The following PPARGC1A variants were observed in gnomAD, a reference collection of about 807,000 sequenced individuals.
PPARGC1A encodes the protein PPARG coactivator 1 alpha.
PPARGC1A carries 25 observed loss-of-function variants against 88.7 expected under a neutral mutation model. The ratio of observed to expected loss-of-function variants is 0.28; its 90% CI spans 0.21 to 0.39. The LOEUF is 0.39. Among genes scored for constraint, PPARGC1A ranks in the 10% least tolerant of loss-of-function variants. PPARGC1A has a pLI of 1.00. For synonymous variants in PPARGC1A, 363 were observed against 355.6 expected, an observed-to-expected ratio of 1.02 and a Z score of -0.24; for missense variants, 880 against 968.7, an observed-to-expected ratio of 0.91 and a Z score of 1.22.
the PPARGC1A span, among the ~76,000 whole-genome samples, chr4:24,421,373 C>G: frequency 6.7e-6 from 1 of 149,770 alleles, no homozygotes; most frequent in Non-Finnish European, 1.5e-5. Context: ...TGCAGTGGCG[C>G]GATTTCAGCT....
the PPARGC1A span, among the ~76,000 whole-genome samples, chr4:24,291,323 T>C: frequency 6.6e-6 from 1 of 152,192 alleles, no homozygotes; most frequent in African/African-American, 2.4e-5. Flanking sequence ...ATGTCCCTCA[T>C]TTTGGTTTTG....
the PPARGC1A span, among the ~76,000 whole-genome samples, chr4:24,196,676 TA>T: frequency 6.6e-6 from 1 of 152,216 alleles, no homozygotes; most frequent in Non-Finnish European, 1.5e-5. Context: ...TAAGTTTAAA[TA>T]ATTCTTGATG....
chr4:24,019,807 T>C, the PPARGC1A span, among the ~76,000 whole-genome samples: 2 of 152,184 alleles, frequency 1.3e-5, no homozygotes, highest in African/African-American at 4.8e-5. Context: ...CAAAACCTCT[T>C]AAACCTTTGC....
chr4:23,978,774 C>T, the PPARGC1A span, among the ~76,000 whole-genome samples: 4 of 152,224 alleles, frequency 2.6e-5, no homozygotes, highest in Admixed American at 2.6e-4. Context: ...GAGAGTGAAA[C>T]ACCTGCAGGA....
the PPARGC1A span, among the ~76,000 whole-genome samples, chr4:24,165,512 A>G: frequency 6.6e-6 from 1 of 152,176 alleles, no homozygotes; most frequent in Admixed American, 6.5e-5. Flanking sequence ...CAGATAATGC[A>G]ATTTTTTTTA....
At chr4:24,189,062 T>C in the PPARGC1A span, among the ~76,000 whole-genome samples, 2 of 152,062 alleles carry the variant, frequency 1.3e-5, no homozygotes, top group Non-Finnish European at 2.9e-5. Flanking sequence ...ACAAACACTG[T>C]GTGATTCCAC....
chr4:24,008,131 G>A, the PPARGC1A span, among the ~76,000 whole-genome samples: 13 of 152,128 alleles, frequency 8.5e-5, no homozygotes, highest in East Asian at 5.8e-4. Flanking sequence ...CAGCCCACAC[G>A]GTCTGCCAGA....
chr4:24,144,095 T>C, the PPARGC1A span, among the ~76,000 whole-genome samples: 153 of 152,316 alleles, frequency 1.0e-3, no homozygotes, highest in African/African-American at 3.7e-3. Flanking sequence ...ATGATTTCCC[T>C]GTAGGGGCTT....
chr4:24,295,681 ATATATGAG>A, the PPARGC1A span, among the ~76,000 whole-genome samples: 1 of 149,672 alleles, frequency 6.7e-6, no homozygotes, highest in Non-Finnish European at 1.5e-5. Flanking sequence ...GTATATATGT[ATATATGAG>A]TATATACATT....
At chr4:24,250,414 CA>C in the PPARGC1A span, among the ~76,000 whole-genome samples, 1 of 152,096 alleles carries the variant, frequency 6.6e-6, no homozygotes, top group Non-Finnish European at 1.5e-5. Context: ...TTTTTCTGAC[CA>C]TATCCAAGGA....
the PPARGC1A span, among the ~76,000 whole-genome samples, chr4:24,306,521 A>G: frequency 6.6e-6 from 1 of 152,238 alleles, no homozygotes; most frequent in African/African-American, 2.4e-5. Context: ...CATCCAGCAT[A>G]GTAGTACCTT....
the PPARGC1A span, among the ~76,000 whole-genome samples, chr4:24,160,402 T>A: frequency 6.6e-6 from 1 of 152,198 alleles, no homozygotes; most frequent in Non-Finnish European, 1.5e-5. Context: ...AGTATTAGCA[T>A]CGTATATTGT....
At chr4:24,203,573 AAAAG>A in the PPARGC1A span, among the ~76,000 whole-genome samples, 1 of 19,410 alleles carries the variant, frequency 5.2e-5, no homozygotes, top group African/African-American at 6.6e-5. Flanking sequence ...GAGAGATAGA[AAAAG>A]AAAGAGAAAA....
At chr4:24,190,662 G>A in the PPARGC1A span, among the ~76,000 whole-genome samples, 2 of 152,250 alleles carry the variant, frequency 1.3e-5, no homozygotes, top group South Asian at 2.1e-4. Context: ...ACTTAGCCTC[G>A]AAGAGATGAA....
At chr4:23,915,952 T>C in the PPARGC1A span, among the ~76,000 whole-genome samples, 7 of 152,342 alleles carry the variant, frequency 4.6e-5, no homozygotes, top group African/African-American at 1.4e-4. Flanking sequence ...GTGAAGCATC[T>C]GGGCTCTGGA....
the PPARGC1A span, among the ~76,000 whole-genome samples, chr4:23,977,702 A>T: frequency 1.3e-5 from 2 of 152,208 alleles, no homozygotes; most frequent in South Asian, 4.1e-4. Context: ...AAATTAAATA[A>T]AAAGAGAAAG....
At chr4:24,310,637 T>A in the PPARGC1A span, among the ~76,000 whole-genome samples, 5 of 152,028 alleles carry the variant, frequency 3.3e-5, no homozygotes, top group Non-Finnish European at 7.4e-5. Flanking sequence ...CAAAAAAAAA[T>A]TTTTCTATGT....
At chr4:23,962,983 T>A in the PPARGC1A span, among the ~76,000 whole-genome samples, 1 of 152,280 alleles carries the variant, frequency 6.6e-6, no homozygotes, top group Non-Finnish European at 1.5e-5. Context: ...CGGGGGAAAG[T>A]GTTTCTCGCC....
the PPARGC1A span, among the ~76,000 whole-genome samples, chr4:24,431,443 T>A: frequency 1.6e-4 from 24 of 152,138 alleles, no homozygotes; most frequent in Non-Finnish European, 2.9e-4. Context: ...AAAATATAAC[T>A]GAGATAGAAA....
Sources: gnomAD v4.1 joint callset for allele counts (sites outside exome capture counted in the v4.1 genomes callset) on GRCh38, gnomAD v4.1.1 for gene constraint, MANE v1.5 for transcripts, NCBI Gene and HGNC (gene_info 2026-07-23, HGNC 2026-07-21) for gene names.